GPR132: variants seen among roughly 807,000 people sequenced by gnomAD.
The protein encoded by GPR132 is G protein-coupled receptor 132, also known as probable G protein-coupled receptor 132.
A neutral mutation model predicts 1.9 loss-of-function variants in GPR132; 4 were observed. The ratio of observed to expected loss-of-function variants is 2.13; its 90% confidence interval spans 1.05 to 4.87. The LOEUF is 4.87. GPR132 is among the 30% of genes most tolerant of loss of function. The pLI is 0.01. For synonymous variants in GPR132, 233 were observed against 234.2 expected, an observed-to-expected ratio of 0.99 and a Z score of 0.05; for missense variants, 404 against 512.5, an observed-to-expected ratio of 0.79 and a Z score of 2.04.
At chr14:105,054,814 G>A (rs1267319552) in intron 3 of GPR132, among the ~76,000 whole-genome samples, 1 of 150,474 alleles carries the variant, frequency 6.6e-6, no homozygotes, top group African/African-American at 2.4e-5. Context: ...CCAGGGTGGG[G>A]AGATCACTAG....
rs1595140203 is a variant in GPR132, at chr14:105,059,767, C to G, written c.-860-2487G>C. ...ACTTCCTGAGGCTGTGTCACAGACG[C>G]GTGTCCTCAACTTTAGCAAATAAAC... On this transcript the variant is annotated intron_variant, in intron 1 of 3. Transcript: ENST00000329797. This position sits in a 1 kb window ranked among gnomAD's most constrained non-coding sequence, Gnocchi z 4.2. 6.6e-6 allele frequency among the ~76,000 whole-genome samples: 1 copy of G among 152,296 alleles called. No homozygotes were observed. Among genetic ancestry groups the G allele is most frequent in the African/African-American group, 2.4e-5 (1 of 41,582 alleles).
chr14:105,062,707 T>G (rs1486540107), intron 1 of GPR132, among the ~76,000 whole-genome samples: 5 of 151,626 alleles, frequency 3.3e-5, no homozygotes, highest in African/African-American at 1.2e-4. Context: ...TCCAGCTACT[T>G]TTTTTGTATT....
chr14:105,057,462 G>A (rs1886826017), intron 1 of GPR132, 182 bp from the exon 2 acceptor site: 1 of 359,112 alleles, frequency 2.8e-6, no homozygotes, highest in South Asian at 4.5e-5. Flanking sequence ...AAGGCTCCAA[G>A]CCAACAGGCA....
intron 3 of GPR132, chr14:105,054,470 T>G: frequency 8.6e-5 from 77 of 891,668 alleles, no homozygotes; most frequent in South Asian, 1.0e-4. Flanking sequence ...ACTGTGTTGA[T>G]GCCCAGGCTG....
intron 3 of GPR132, 137 bp from the exon 4 acceptor site, chr14:105,052,239 G>C: frequency 1.6e-6 from 1 of 631,536 alleles, no homozygotes. Context: ...TTTCCAAATT[G>C]ATTTTTTAGA....
Position 105,051,448 on chromosome 14 carries a change from A to G in GPR132, c.689T>C (p.Met230Thr), listed in dbSNP as rs1193582820. 3 of 1,613,990 alleles carry G rather than the reference A, an allele frequency of 1.9e-6. No homozygotes were observed. Among genetic ancestry groups the G allele is most frequent in the Non-Finnish European group, 1.7e-6 (2 of 1,180,050 alleles). The change falls in exon 4 of 4, where the codon ATG (methionine) becomes ACG (threonine). Residue 230 changes from methionine to threonine, a missense_variant. Coordinates refer to ENST00000329797, the MANE Select transcript of GPR132 (RefSeq NM_013345.4). The surrounding 1 kb of genome is among the most constrained non-coding windows in gnomAD (Gnocchi z 8.0). ...GGCCTTCTGGGCAGCGCTTAAGCCC[A>G]TGCTCTGCTTGATGCTCCTGAAAAT... ...HRIFRSIKQS[M>T]GLSAAQKAKV...
rs1256299542 is a variant in GPR132, at chr14:105,051,744, G to A, written c.393C>T (p.Leu131=). 1 of 1,614,206 alleles carries A rather than the reference G, an allele frequency of 6.2e-7. No homozygotes were observed. Among genetic ancestry groups the A allele is most frequent in the Non-Finnish European group, 8.5e-7 (1 of 1,180,056 alleles). ...IFFCNIYVSI[L]FLCCISCDRF... is the part of the protein sequence containing the mutation. ...GGTCGCAGGAGATGCAGCACAGGAAGAGGATGCTGACGTAGATGTTGCAGA... is the reference window on the plus strand; with the variant it reads ...GGTCGCAGGAGATGCAGCACAGGAAAAGGATGCTGACGTAGATGTTGCAGA... Residue 131 remains leucine (L), a synonymous_variant, in exon 4 of 4, where the codon CTC becomes CTT. Transcript: ENST00000329797. The surrounding 1 kb of genome is among the most constrained non-coding windows in gnomAD (Gnocchi z 8.0).
chr14:105,065,083 G>C (rs892752295), intron 1 of GPR132, among the ~76,000 whole-genome samples: 2 of 152,092 alleles, frequency 1.3e-5, no homozygotes, highest in African/African-American at 4.8e-5. Context: ...AGTAGCCAGG[G>C]AAGCCTTTTC....
At chr14:105,054,260 C>G in intron 3 of GPR132, 1 of 1,164,904 alleles carries the variant, frequency 8.6e-7, no homozygotes, top group Non-Finnish European at 1.1e-6. Flanking sequence ...GTCAGGGGTC[C>G]CTGGGCACTG....
At position 105,060,745 on chromosome 14, in the gene GPR132, G is replaced by A. The variant is rs1406903353; in HGVS notation, c.-860-3465C>T. The stretch of plus-strand genomic sequence containing the variant: ...GTTCTGGAAACCCTCCCAAACCTGG[G>A]AGGATGAACTCTTGCTGGTCCAGGG... On this transcript the variant is annotated intron_variant, in intron 1 of 3. Transcript: ENST00000329797. The surrounding 1 kb of genome is among the most constrained non-coding windows in gnomAD (Gnocchi z 6.3). Among the ~76,000 whole-genome samples, 1 of 152,234 alleles carries A rather than the reference G, an allele frequency of 6.6e-6. No homozygotes were observed. Among genetic ancestry groups the A allele is most frequent in the African/African-American group, 2.4e-5 (1 of 41,470 alleles).
Position 105,055,367 on chromosome 14 carries a change from A to G in GPR132, c.34+20T>C. ...AAAAAGTGGAAAATTGTGGCAAAAT[A>G]CACATAACAAGGAATTTACCATTGT... On this transcript the variant is annotated intron_variant, in intron 3 of 3. Transcript: ENST00000329797. This position sits in a 1 kb window ranked among gnomAD's most constrained non-coding sequence, Gnocchi z 4.7. 1.3e-6 allele frequency: 1 copy of G among 781,032 alleles called. No homozygotes were observed. The highest frequency in any genetic ancestry group is 1.3e-5 in the South Asian group (1 of 74,624). 48.4% of individuals were successfully genotyped at this position (781,032 alleles called of 1,614,324 possible). A position where few individuals can be genotyped will look rare whatever the true frequency, so the allele number is the denominator to read the frequency against.
chr14:105,054,183 C>T (rs1362730964), intron 3 of GPR132: 11 of 1,245,588 alleles, frequency 8.8e-6, no homozygotes, highest in South Asian at 4.0e-5. Context: ...ACGGACAGAG[C>T]GTTGCCAAAC....
Position 105,059,714 on chromosome 14 carries a change from G to A in GPR132, c.-860-2434C>T, listed in dbSNP as rs140052510. Among the ~76,000 whole-genome samples the A allele has an allele frequency of 1.3e-4, 20 of 152,180 alleles. 1 individual carries two copies. The South Asian group carries it at 1.7e-3, about 13-fold the overall frequency. On this transcript the variant is annotated intron_variant, in intron 1 of 3. Coordinates refer to ENST00000329797, the MANE Select transcript of GPR132 (RefSeq NM_013345.4). This position sits in a 1 kb window ranked among gnomAD's most constrained non-coding sequence, Gnocchi z 4.2. ...CCTAAAATGCATGAAACCAGGCTGC[G>A]CCCGACCACCCTGGGCACGTCATCA...
At chr14:105,058,483 AAAAT>A (rs1360941172) in intron 1 of GPR132, among the ~76,000 whole-genome samples, 5 of 152,290 alleles carry the variant, frequency 3.3e-5, no homozygotes, top group Admixed American at 3.3e-4. Flanking sequence ...CATGTTGGCA[AAAAT>A]AAAGACCTTT....
At chr14:105,057,891 G>A (rs1453364308) in intron 1 of GPR132, 1 of 152,146 alleles carries the variant, frequency 6.6e-6, no homozygotes. Context: ...GTCTCACCAT[G>A]TTGGGCAGGC....
chr14:105,059,658 C>T lies in GPR132; in HGVS notation c.-860-2378G>A, dbSNP rs1403947172. Reference sequence around the variant, plus strand: ...CTTTCTGGACGGAACCAATGTACGTCTCACATATATTGATTGATGTCTCTT... The same window carrying T: ...CTTTCTGGACGGAACCAATGTACGTTTCACATATATTGATTGATGTCTCTT... On this transcript the variant is annotated intron_variant, in intron 1 of 3. Coordinates refer to ENST00000329797, the MANE Select transcript of GPR132 (RefSeq NM_013345.4). This position sits in a 1 kb window ranked among gnomAD's most constrained non-coding sequence, Gnocchi z 4.2. Among the ~76,000 whole-genome samples the T allele has an allele frequency of 6.6e-6, 1 of 152,078 alleles. No individual in the cohort carries two copies. Among genetic ancestry groups the T allele is most frequent in the Non-Finnish European group, 1.5e-5 (1 of 68,030 alleles).
Position 105,056,062 on chromosome 14 carries a change from G to T in GPR132, c.-642C>A. On this transcript the variant is annotated 5_prime_UTR_variant, in exon 3 of 4. Transcript: ENST00000329797. The surrounding 1 kb of genome is among the most constrained non-coding windows in gnomAD (Gnocchi z 6.0). ...GCTGTTCTCCACGGTGGTGGCGCTGGCCCACCTTCCCCCGGCGGTGTGCAG... is the reference window on the plus strand; with the variant it reads ...GCTGTTCTCCACGGTGGTGGCGCTGTCCCACCTTCCCCCGGCGGTGTGCAG... 1 of 846,764 alleles carries T rather than the reference G, an allele frequency of 1.2e-6. No homozygotes were observed. Among genetic ancestry groups the T allele is most frequent in the Non-Finnish European group, 1.4e-6 (1 of 703,046 alleles). 52.5% of individuals were successfully genotyped at this position (846,764 alleles called of 1,614,324 possible).
At chr14:105,052,960 A>C (rs1886691381) in intron 3 of GPR132, among the ~76,000 whole-genome samples, 1 of 139,366 alleles carries the variant, frequency 7.2e-6, no homozygotes. Context: ...ACTCCTTCTC[A>C]AAAAAAAAAA....
chr14:105,052,177 G>A, intron 3 of GPR132, 75 bp from the exon 4 acceptor site: 1 of 1,268,506 alleles, frequency 7.9e-7, no homozygotes. Context: ...TGGGAAGAAA[G>A]GATAGAAGCT....
Sources: gnomAD v4.1 joint callset for allele counts (sites outside exome capture counted in the v4.1 genomes callset) on GRCh38, gnomAD v4.1.1 for gene constraint, Gnocchi (gnomAD v3.1) non-coding constraint, MANE v1.5 for transcripts, NCBI Gene and HGNC (gene_info 2026-07-23, HGNC 2026-07-21) for gene names.